Variants in SMYD3 observed in about 807,000 individuals in gnomAD.
SMYD3 encodes SET and MYND domain containing 3.
In SMYD3, 36 loss-of-function variants were observed where a neutral mutation model predicts 57.7. The ratio of observed to expected loss-of-function variants is 0.62; its 90% CI spans 0.48 to 0.82. SMYD3 has a LOEUF of 0.82. Ranked by LOEUF, SMYD3 falls within the 40% of genes least tolerant of loss-of-function variation. The pLI is 0.00. For synonymous variants in SMYD3, 211 were observed against 195.0 expected, an observed-to-expected ratio of 1.08 and a Z score of -0.68; for missense variants, 515 against 538.8, an observed-to-expected ratio of 0.96 and a Z score of 0.44.
chr1:245,785,146 T>G (rs2046983690), intron 10 of SMYD3, among the ~76,000 whole-genome samples: 3 of 151,884 alleles, frequency 2.0e-5, no homozygotes, highest in Non-Finnish European at 4.4e-5. Flanking sequence ...CCTCCCAAAG[T>G]GCTGGAATTA....
At chr1:246,064,762 C>A (rs1308464522) in intron 5 of SMYD3, among the ~76,000 whole-genome samples, 2 of 152,226 alleles carry the variant, frequency 1.3e-5, no homozygotes, top group Non-Finnish European at 2.9e-5. Context: ...CAGCTCCATC[C>A]CCCGGCCTTC....
intron 11 of SMYD3, 96 bp from the exon 12 acceptor site, chr1:245,749,760 C>G: frequency 1.1e-6 from 1 of 890,270 alleles, no homozygotes; most frequent in Non-Finnish European, 1.8e-6. Flanking sequence ...CCTGGTGAAC[C>G]CCACAGGTTT....
intron 5 of SMYD3, among the ~76,000 whole-genome samples, chr1:245,996,912 C>T (rs1474946180): frequency 6.6e-6 from 1 of 152,242 alleles, no homozygotes; most frequent in Non-Finnish European, 1.5e-5. Flanking sequence ...TCTGTGCTTT[C>T]CATGAAGAAG....
chr1:246,345,027 T>G (rs749096133), intron 2 of SMYD3, among the ~76,000 whole-genome samples: 5 of 152,138 alleles, frequency 3.3e-5, no homozygotes, highest in Non-Finnish European at 5.9e-5. Context: ...TCTCAAATAT[T>G]TTCTCCATGT....
chr1:245,794,505 T>C (rs1292151194), intron 10 of SMYD3, among the ~76,000 whole-genome samples: 1 of 152,250 alleles, frequency 6.6e-6, no homozygotes, highest in African/African-American at 2.4e-5. Context: ...TGTGTGTATT[T>C]ACATTTCTTT....
chr1:246,000,134 G>A (rs1369078263), intron 5 of SMYD3, among the ~76,000 whole-genome samples: 1 of 152,214 alleles, frequency 6.6e-6, no homozygotes, highest in Non-Finnish European at 1.5e-5. Context: ...TCGTGATGAT[G>A]ATAAGATATA....
At chr1:245,770,890 G>A (rs998963235) in intron 10 of SMYD3, among the ~76,000 whole-genome samples, 1 of 152,106 alleles carries the variant, frequency 6.6e-6, no homozygotes, top group Admixed American at 6.5e-5. Flanking sequence ...TCAGAGCTGA[G>A]GAAAGAATTA....
intron 5 of SMYD3, chr1:246,113,677 T>A (rs1028514057): frequency 5.9e-5 from 9 of 152,212 alleles, no homozygotes; most frequent in Non-Finnish European, 1.5e-5. Context: ...ACAGCATTTG[T>A]TTCTCCCACA....
At chr1:246,340,115 A>G (rs193052862) in intron 2 of SMYD3, among the ~76,000 whole-genome samples, 1 of 152,336 alleles carries the variant, frequency 6.6e-6, no homozygotes, top group East Asian at 1.9e-4. Flanking sequence ...ATGAAACAAA[A>G]TACAATTCTA....
intron 10 of SMYD3, among the ~76,000 whole-genome samples, chr1:245,820,082 G>A (rs1378430964): frequency 1.0e-3 from 139 of 138,962 alleles, no homozygotes; most frequent in African/African-American, 3.6e-3. Context: ...GCCTGGCAGA[G>A]ACACAACCAA....
At chr1:246,386,106 T>A (rs963633188) in intron 1 of SMYD3, among the ~76,000 whole-genome samples, 2 of 152,150 alleles carry the variant, frequency 1.3e-5, no homozygotes, top group African/African-American at 4.8e-5. Flanking sequence ...GCCAGGATGG[T>A]CTCGATCTCC....
At chr1:245,843,777 G>C (rs1302158935) in intron 10 of SMYD3, among the ~76,000 whole-genome samples, 1 of 152,198 alleles carries the variant, frequency 6.6e-6, no homozygotes, top group Non-Finnish European at 1.5e-5. Flanking sequence ...GAGAGGCAGT[G>C]AGAATTGGAG....
chr1:246,022,802 C>A (rs375663023), intron 5 of SMYD3, among the ~76,000 whole-genome samples: 2 of 152,124 alleles, frequency 1.3e-5, no homozygotes, highest in East Asian at 1.9e-4. Flanking sequence ...TTAGGAGTGG[C>A]TGGGAGGAGA....
At chr1:246,472,774 G>A (rs1329373559) in intron 1 of SMYD3, among the ~76,000 whole-genome samples, 1 of 150,724 alleles carries the variant, frequency 6.6e-6, no homozygotes, top group African/African-American at 2.4e-5. Flanking sequence ...AAAACAAAAA[G>A]CTTCCTTCTC....
Position 246,248,635 on chromosome 1 carries a change from C to CTTTTT in SMYD3, c.531+78565_531+78566insAAAAA, listed in dbSNP as rs1558348050. On this transcript the variant is annotated intron_variant, in intron 5 of 11. Coordinates refer to ENST00000490107, the MANE Select transcript of SMYD3 (RefSeq NM_001167740.2). ...AGTTATGCAAAAGCTCTCTGACTTTCCTTTTTTTTTTTTTTTTTTTTTTTG... is the reference window on the plus strand; with the variant it reads ...AGTTATGCAAAAGCTCTCTGACTTTCTTTTTCTTTTTTTTTTTTTTTTTTTTTTTG... Among the ~76,000 whole-genome samples, 8 of 68,334 alleles carry CTTTTT rather than the reference C, an allele frequency of 1.2e-4. 1 individual carries two copies. Among genetic ancestry groups the CTTTTT allele is most frequent in the African/African-American group, 3.2e-4 (5 of 15,416 alleles). 44.8% of individuals were successfully genotyped at this position (68,334 alleles called of 152,430 possible).
At chr1:246,009,447 TCA>T (rs1388272256) in intron 5 of SMYD3, among the ~76,000 whole-genome samples, 1 of 152,186 alleles carries the variant, frequency 6.6e-6, no homozygotes, top group Non-Finnish European at 1.5e-5. Context: ...TTTTTTGAAG[TCA>T]CAGAAATATT....
At chr1:246,223,498 T>C (rs2063285798) in intron 5 of SMYD3, among the ~76,000 whole-genome samples, 1 of 152,158 alleles carries the variant, frequency 6.6e-6, no homozygotes, top group Admixed American at 6.5e-5. Flanking sequence ...TTCCTGGACC[T>C]CTTGCTTTAG....
Position 245,788,113 on chromosome 1 carries a change from A to C in SMYD3, c.1077-23964T>G, listed in dbSNP as rs573173563. Among the ~76,000 whole-genome samples the C allele has an allele frequency of 2.0e-3, 306 of 152,118 alleles. 1 individual carries two copies. The highest frequency in any genetic ancestry group is 6.9e-3 in the African/African-American group (288 of 41,518). On this transcript the variant is annotated intron_variant, in intron 10 of 11. Transcript: ENST00000490107. ...CTAGATTAGCACAGGGAACAGGGCA[A>C]GGAGAATGGAGTCCAGATTAACACA... is the stretch of plus-strand genomic sequence containing the variant.
intron 5 of SMYD3, among the ~76,000 whole-genome samples, chr1:246,104,494 G>A (rs1437225512): frequency 6.6e-6 from 1 of 152,166 alleles, no homozygotes; most frequent in Non-Finnish European, 1.5e-5. Context: ...TCAAAATGCA[G>A]GCTGAGTGGG....
Sources: allele counts gnomAD v4.1 joint callset (sites outside exome capture counted in the v4.1 genomes callset), GRCh38; gene constraint gnomAD v4.1.1; transcripts MANE v1.5; gene names NCBI Gene and HGNC (gene_info 2026-07-23, HGNC 2026-07-21).